Variants in RBPJ observed in about 807,000 individuals in gnomAD.
RBPJ encodes recombination signal binding protein for immunoglobulin kappa J region.
RBPJ carries 9 observed loss-of-function variants against 67.8 expected under a neutral mutation model. The ratio of observed to expected loss-of-function variants is 0.13; its 90% confidence interval spans 0.08 to 0.23. The LOEUF (loss-of-function observed/expected upper bound fraction) is 0.23, where lower values mean the gene tolerates loss of function less well. RBPJ is among the 10% of genes least tolerant of loss of function. The probability of loss-of-function intolerance (pLI) is 1.00; values close to 1 mark genes in which losing one functional copy is unlikely to be tolerated. For missense variants in RBPJ, 305 were observed against 595.6 expected (o/e 0.51, Z 5.08); for synonymous variants, 198 against 203.3 (o/e 0.97, Z 0.22).
At chr4:26,303,914 A>G (rs1462484727) in intron 1 of RBPJ, among the ~76,000 whole-genome samples, 1 of 152,220 alleles carries the variant, frequency 6.6e-6, no homozygotes, top group Non-Finnish European at 1.5e-5. Context: ...TCACTCACCT[A>G]AAGTGCAAAT....
At chr4:26,140,678 G>C in the RBPJ span, among the ~76,000 whole-genome samples, 1 of 121,650 alleles carries the variant, frequency 8.2e-6, no homozygotes, top group South Asian at 2.7e-4. Flanking sequence ...TTCATCCCAG[G>C]ATGGTCACCA....
intron 1 of RBPJ, among the ~76,000 whole-genome samples, chr4:26,210,700 T>TTTCTTTCTTTCTGTCTTTCCTTCTTTCC (rs1348512062): frequency 5.0e-5 from 3 of 59,850 alleles, no homozygotes; most frequent in South Asian, 1.6e-3. Context: ...TCTTTCTTTC[T>TTTCTTTCTTTCTGTCTTTCCTTCTTTCC]TTCTTTCCTT....
intron 1 of RBPJ, among the ~76,000 whole-genome samples, chr4:26,208,045 A>G (rs1431021281): frequency 6.6e-6 from 1 of 152,232 alleles, no homozygotes; most frequent in Non-Finnish European, 1.5e-5. Context: ...TGAGGAAACT[A>G]GGGTTTCAAG....
At chr4:26,391,467 A>C (rs1272357630) in intron 2 of RBPJ, among the ~76,000 whole-genome samples, 1 of 152,114 alleles carries the variant, frequency 6.6e-6, no homozygotes, top group East Asian at 1.9e-4. Flanking sequence ...CCCACCCCCC[A>C]CACACAAAGT....
chr4:26,181,050 T>C (rs1470570666), intron 1 of RBPJ, among the ~76,000 whole-genome samples: 1 of 152,224 alleles, frequency 6.6e-6, no homozygotes, highest in African/African-American at 2.4e-5. Flanking sequence ...TTGCTCTTCC[T>C]TGGTCTTCTG....
chr4:26,416,579 A>T (rs1734612447), intron 4 of RBPJ, among the ~76,000 whole-genome samples: 1 of 152,172 alleles, frequency 6.6e-6, no homozygotes, highest in South Asian at 2.1e-4. Context: ...CTTAGAATTT[A>T]GCTATGGTTT....
chr4:26,367,135 A>G (rs1431051173), intron 1 of RBPJ, among the ~76,000 whole-genome samples: 1 of 151,856 alleles, frequency 6.6e-6, no homozygotes, highest in Non-Finnish European at 1.5e-5. Context: ...AAAAAAATAA[A>G]TTAATTAATA....
At chr4:26,248,455 T>G (rs1170954081) in intron 1 of RBPJ, among the ~76,000 whole-genome samples, 1 of 152,246 alleles carries the variant, frequency 6.6e-6, no homozygotes, top group Admixed American at 6.5e-5. Flanking sequence ...TTTGCTTTTC[T>G]TGTCTTATTG....
chr4:26,293,808 A>C (rs1721757727), intron 1 of RBPJ, among the ~76,000 whole-genome samples: 1 of 152,168 alleles, frequency 6.6e-6, no homozygotes, highest in Non-Finnish European at 1.5e-5. Flanking sequence ...CCAAGGCTGG[A>C]GTGCAGTGGC....
chr4:26,188,319 A>G (rs1717351497), intron 1 of RBPJ, among the ~76,000 whole-genome samples: 1 of 152,230 alleles, frequency 6.6e-6, no homozygotes, highest in Non-Finnish European at 1.5e-5. Context: ...AAGGATCTTA[A>G]TAAATCTTAA....
chr4:26,136,789 T>C, the RBPJ span, among the ~76,000 whole-genome samples: 1 of 152,184 alleles, frequency 6.6e-6, no homozygotes, highest in Non-Finnish European at 1.5e-5. Flanking sequence ...GCACTTAGCA[T>C]ATCTAACTTC....
the RBPJ span, chr4:26,113,382 G>T: frequency 1.8e-6 from 1 of 547,568 alleles, no homozygotes; most frequent in Non-Finnish European, 3.6e-6. Context: ...CAGCTTCAGA[G>T]AACACACACA....
upstream of RBPJ, chr4:26,320,482 C>T (rs1205683568): frequency 2.9e-5 from 13 of 453,364 alleles, no homozygotes; most frequent in Middle Eastern, 1.2e-3. Context: ...CCGAGATTAG[C>T]ATAAAGGAGG....
At chr4:26,258,314 CTCT>C (rs1392624988) in intron 1 of RBPJ, among the ~76,000 whole-genome samples, 1 of 152,218 alleles carries the variant, frequency 6.6e-6, no homozygotes, top group East Asian at 1.9e-4. Context: ...TTCTGAATCT[CTCT>C]TCTTCACCTC....
chr4:26,400,541 C>A (rs945694165), intron 2 of RBPJ, among the ~76,000 whole-genome samples: 2 of 152,144 alleles, frequency 1.3e-5, no homozygotes, highest in Non-Finnish European at 1.5e-5. Context: ...TAGAGTATAT[C>A]GTCTTGTTTT....
At chr4:26,240,001 A>G (rs1719581712) in intron 1 of RBPJ, among the ~76,000 whole-genome samples, 1 of 152,202 alleles carries the variant, frequency 6.6e-6, no homozygotes, top group African/African-American at 2.4e-5. Flanking sequence ...AAGTGACGAA[A>G]TACTTAGGAC....
rs1392830371 is a variant in RBPJ, at chr4:26,433,935, TAA to T, written c.*2933_*2934del. 6.6e-6 allele frequency: 1 copy of T among 152,248 alleles called. No individual in the cohort carries two copies. The highest frequency in any genetic ancestry group is 1.5e-5 in the Non-Finnish European group (1 of 68,040). The allele number at this position is 152,248 out of a possible 1,614,324, so 9.4% of individuals were successfully genotyped here. On this transcript the variant is annotated 3_prime_UTR_variant, in exon 11 of 11. Coordinates refer to ENST00000355476, the MANE Select transcript of RBPJ (RefSeq NM_015874.6). The stretch of plus-strand genomic sequence containing the variant: ...TTCAGTTATAGTATGTTTGAATTTT[TAA>T]AAAATTCTGTTTTAGAAATGTATCT...
At chr4:26,292,200 T>TC (rs1721693681) in intron 1 of RBPJ, among the ~76,000 whole-genome samples, 1 of 150,476 alleles carries the variant, frequency 6.6e-6, no homozygotes, top group Non-Finnish European at 1.5e-5. Context: ...AGTTTGTACA[T>TC]TTTGACCAAC....
At chr4:26,199,005 A>G (rs993544364) in intron 1 of RBPJ, among the ~76,000 whole-genome samples, 38 of 152,056 alleles carry the variant, frequency 2.5e-4, no homozygotes, top group African/African-American at 9.2e-4. Context: ...TTGCGATGCA[A>G]CCATCACCAC....
Sources: gnomAD v4.1 joint callset for allele counts (sites outside exome capture counted in the v4.1 genomes callset) on GRCh38, gnomAD v4.1.1 for gene constraint, MANE v1.5 for transcripts, NCBI Gene and HGNC (gene_info 2026-07-23, HGNC 2026-07-21) for gene names.